Variants in SH3D19 observed in about 807,000 individuals in gnomAD.
SH3D19 encodes the protein SH3 domain containing 19.
A neutral mutation model predicts 112.1 loss-of-function variants in SH3D19; 58 were observed. That is an observed-to-expected ratio of 0.52 (90% CI 0.42 to 0.64). The LOEUF is 0.64. Among genes scored for constraint, SH3D19 ranks in the 30% least tolerant of loss-of-function variants. The pLI is 0.00. For missense variants in SH3D19, 1,090 were observed against 1,263.4 expected (o/e 0.86, Z 2.08); for synonymous variants, 391 against 448.5 (o/e 0.87, Z 1.62).
intron 2 of SH3D19, among the ~76,000 whole-genome samples, chr4:151,188,634 A>G (rs1388664651): frequency 2.0e-5 from 3 of 152,352 alleles, no homozygotes; most frequent in Admixed American, 6.5e-5. Context: ...CAGCCCTCTT[A>G]GTGAATACAT....
rs557750268 is a variant in SH3D19 at position 151,304,607 on chromosome 4, C to T, written c.112+20634G>A. Among the ~76,000 whole-genome samples, 247 of 152,300 alleles carry T rather than the reference C, an allele frequency of 1.6e-3. 1 individual carries two copies. The highest frequency in any genetic ancestry group is 6.2e-4 in the Non-Finnish European group (42 of 68,030). On this transcript the variant is annotated intron_variant, in intron 1 of 19. Transcript: ENST00000604030. ...AGAGGGCACTTGCTGAAAACACTGA[C>T]AAGCAAATATATTAGTTGCTGCTGC...
At chr4:151,254,389 T>C (rs1369946265) in intron 1 of SH3D19, among the ~76,000 whole-genome samples, 1 of 150,514 alleles carries the variant, frequency 6.6e-6, no homozygotes. Flanking sequence ...GGCAGGGTCA[T>C]AGGACAATAG....
At chr4:151,255,544 T>C (rs1379026995) in intron 1 of SH3D19, among the ~76,000 whole-genome samples, 1 of 139,904 alleles carries the variant, frequency 7.1e-6, no homozygotes, top group Non-Finnish European at 1.5e-5. Flanking sequence ...CTTTCCAGAC[T>C]GGGCAGCCAG....
At chr4:151,204,449 T>C (rs917456269) in intron 2 of SH3D19, among the ~76,000 whole-genome samples, 2 of 152,232 alleles carry the variant, frequency 1.3e-5, no homozygotes, top group African/African-American at 4.8e-5. Flanking sequence ...AAAATTTCTG[T>C]AGATTTATTT....
intron 1 of SH3D19, among the ~76,000 whole-genome samples, chr4:151,263,815 T>C (rs1194985585): frequency 6.6e-6 from 1 of 151,828 alleles, no homozygotes; most frequent in African/African-American, 2.4e-5. Context: ...GTTGTTGTTG[T>C]TGTTGTTTTG....
chr4:151,248,114 CTTTTT>C (rs59021784), intron 1 of SH3D19, among the ~76,000 whole-genome samples: 4 of 151,088 alleles, frequency 2.6e-5, no homozygotes, highest in Non-Finnish European at 5.9e-5. Flanking sequence ...TAATGTTTTA[CTTTTT>C]TTTTTTTGTT....
chr4:151,255,320 G>A (rs1431357154), intron 1 of SH3D19, among the ~76,000 whole-genome samples: 4 of 151,468 alleles, frequency 2.6e-5, no homozygotes, highest in Admixed American at 6.6e-5. Context: ...CGGGGCGGCC[G>A]GGCAGAGATG....
Position 151,282,430 on chromosome 4 carries a change from A to G in SH3D19, c.112+42811T>C, listed in dbSNP as rs764811097. ...AAAGTTCAGGTGAGAATGGGCAGAG[A>G]GAAGGGTTGTTTCATATGTCATCCT... On this transcript the variant is annotated intron_variant, in intron 1 of 19. Coordinates refer to ENST00000604030, the MANE Select transcript of SH3D19 (RefSeq NM_001378122.1). The G allele has an allele frequency of 3.7e-6, 6 of 1,612,750 alleles. No homozygotes were observed. The East Asian group carries it at 1.3e-4, about 36-fold the overall frequency.
At chr4:151,170,081 G>A (rs183880889) in intron 7 of SH3D19, among the ~76,000 whole-genome samples, 13 of 152,278 alleles carry the variant, frequency 8.5e-5, no homozygotes, top group East Asian at 1.9e-4. Context: ...AACAGGTATC[G>A]TATGGTAAAA....
At chr4:151,178,458 T>C (rs1177349721) in intron 4 of SH3D19, among the ~76,000 whole-genome samples, 2 of 152,252 alleles carry the variant, frequency 1.3e-5, no homozygotes, top group African/African-American at 4.8e-5. Context: ...AAATTTGAAC[T>C]GTACTTCCTA....
intron 1 of SH3D19, chr4:151,277,248 AAGGCAG>A: frequency 6.7e-7 from 1 of 1,482,302 alleles, no homozygotes; most frequent in South Asian, 1.4e-5. Flanking sequence ...TGGGGTTGAG[AAGGCAG>A]AGGCAGAGGA....
chr4:151,245,002 G>C (rs528978101), intron 1 of SH3D19, among the ~76,000 whole-genome samples: 2 of 152,000 alleles, frequency 1.3e-5, no homozygotes, highest in Admixed American at 6.6e-5. Context: ...AAATTAGCCG[G>C]GTGTGGTGGC....
At chr4:151,224,173 G>C (rs1768572773) in intron 2 of SH3D19, among the ~76,000 whole-genome samples, 1 of 152,170 alleles carries the variant, frequency 6.6e-6, no homozygotes, top group South Asian at 2.1e-4. Context: ...GCCAGGCATG[G>C]TGGCGGGCAC....
chr4:151,272,122 T>C (rs934507844), intron 1 of SH3D19, among the ~76,000 whole-genome samples: 9 of 152,206 alleles, frequency 5.9e-5, no homozygotes, highest in Non-Finnish European at 1.2e-4. Context: ...AGATCCAACA[T>C]GTTTCTTGAT....
chr4:151,155,557 A>G (rs900897588), intron 9 of SH3D19, among the ~76,000 whole-genome samples: 1 of 151,124 alleles, frequency 6.6e-6, no homozygotes, highest in Non-Finnish European at 1.5e-5. Flanking sequence ...TCTTAAAACA[A>G]GCCTTAAAGA....
chr4:151,126,405 TG>T (rs1230758936), intron 19 of SH3D19, among the ~76,000 whole-genome samples: 6 of 152,200 alleles, frequency 3.9e-5, no homozygotes, highest in Non-Finnish European at 8.8e-5. Flanking sequence ...TTGACAGCAG[TG>T]ACTACTAAAA....
chr4:151,277,148 G>A (rs368188952), intron 1 of SH3D19: 56 of 1,398,652 alleles, frequency 4.0e-5, no homozygotes, highest in Non-Finnish European at 4.7e-5. Context: ...AGCAGGAAGC[G>A]CTCACTGGCT....
chr4:151,150,622 CA>C, intron 9 of SH3D19, among the ~76,000 whole-genome samples: 3 of 151,896 alleles, frequency 2.0e-5, no homozygotes, highest in Admixed American at 2.0e-4. Context: ...ACCACTCTAG[CA>C]AAAGGGCTGG....
At chr4:151,173,043 T>C (rs1335250898) in intron 7 of SH3D19, among the ~76,000 whole-genome samples, 1 of 152,226 alleles carries the variant, frequency 6.6e-6, no homozygotes, top group East Asian at 1.9e-4. Context: ...GTATGAAGCA[T>C]GAGACTGTAT....
Sources: allele counts gnomAD v4.1 joint callset (sites outside exome capture counted in the v4.1 genomes callset), GRCh38; gene constraint gnomAD v4.1.1; transcripts MANE v1.5; gene names NCBI Gene and HGNC (gene_info 2026-07-23, HGNC 2026-07-21).